PREX1: variants seen among roughly 807,000 people sequenced by gnomAD.
PREX1 encodes the protein phosphatidylinositol-3,4,5-trisphosphate dependent Rac exchange factor 1.
In PREX1, 41 loss-of-function variants were observed where a neutral mutation model predicts 198.3. The observed-to-expected ratio is 0.21, with a 90% CI of 0.16 to 0.27. The LOEUF (loss-of-function observed/expected upper bound fraction) is 0.27. PREX1 is among the 10% of genes least tolerant of loss of function. The pLI is 1.00. For synonymous variants in PREX1, 843 were observed against 887.2 expected (o/e 0.95, Z 0.89); for missense variants, 1,620 against 2,200.7 (o/e 0.74, Z 5.28).
intron 1 of PREX1, among the ~76,000 whole-genome samples, chr20:48,788,285 G>A (rs1281736383): frequency 6.6e-6 from 1 of 152,136 alleles, no homozygotes; most frequent in Non-Finnish European, 1.5e-5. Context: ...ATTCAAAGAT[G>A]AGTCATGAAA....
chr20:48,640,818 G>C (rs2089403846), intron 29 of PREX1, among the ~76,000 whole-genome samples: 1 of 147,668 alleles, frequency 6.8e-6, no homozygotes, highest in African/African-American at 2.5e-5. Flanking sequence ...AGGAGGGAAG[G>C]ATGGATGGAT....
chr20:48,765,693 G>A (rs1461058772), intron 1 of PREX1, among the ~76,000 whole-genome samples: 1 of 152,162 alleles, frequency 6.6e-6, no homozygotes, highest in African/African-American at 2.4e-5. Flanking sequence ...TTTCCCATGG[G>A]GCTATACTGC....
At chr20:48,653,607 C>T in intron 19 of PREX1, 110 bp from the exon 20 acceptor site, 2 of 1,376,236 alleles carry the variant, frequency 1.5e-6, no homozygotes, top group Admixed American at 1.9e-5. Flanking sequence ...GCAAGGACTC[C>T]ACCTCCACCC....
chr20:48,650,304 GC>G, intron 23 of PREX1, 98 bp from the exon 24 acceptor site: 1 of 1,213,680 alleles, frequency 8.2e-7, no homozygotes. Context: ...TAGGCCAGAT[GC>G]CCCACAGTTG....
intron 1 of PREX1, among the ~76,000 whole-genome samples, chr20:48,756,617 T>G (rs2090156848): frequency 6.6e-6 from 1 of 152,200 alleles, no homozygotes; most frequent in African/African-American, 2.4e-5. Flanking sequence ...GGCTAATTTC[T>G]TCCTGAAAGC....
At chr20:48,635,693 C>G (rs938946154) in intron 32 of PREX1, among the ~76,000 whole-genome samples, 5 of 152,218 alleles carry the variant, frequency 3.3e-5, no homozygotes, top group Non-Finnish European at 2.9e-5. Context: ...GTAGAGATTG[C>G]CTTCTCCCCA....
chr20:48,829,216 G>C (rs1009086674), upstream of PREX1, among the ~76,000 whole-genome samples: 9 of 152,106 alleles, frequency 5.9e-5, no homozygotes, highest in African/African-American at 1.9e-4. Context: ...ATGTGTGAAC[G>C]GCCCTCTAAG....
the PREX1 span, among the ~76,000 whole-genome samples, chr20:48,851,913 G>C: frequency 6.6e-6 from 1 of 152,194 alleles, no homozygotes; most frequent in East Asian, 1.9e-4. Flanking sequence ...GGGAAGGACA[G>C]CCAAGACCTC....
chr20:48,799,127 C>T (rs1278382506), intron 1 of PREX1, among the ~76,000 whole-genome samples: 1 of 152,200 alleles, frequency 6.6e-6, no homozygotes, highest in Non-Finnish European at 1.5e-5. Flanking sequence ...AGTGATCCGC[C>T]CACCTCAGCC....
At chr20:48,821,106 G>T (rs2090482482) in intron 1 of PREX1, among the ~76,000 whole-genome samples, 1 of 152,144 alleles carries the variant, frequency 6.6e-6, no homozygotes, top group Non-Finnish European at 1.5e-5. Context: ...GGAGGATGAG[G>T]CAAGAGAATC....
chr20:48,650,533 G>A (rs565706076), intron 23 of PREX1, among the ~76,000 whole-genome samples: 27 of 152,360 alleles, frequency 1.8e-4, no homozygotes, highest in African/African-American at 6.3e-4. Context: ...TCCCTATGGC[G>A]ATTGGAACCA....
chr20:48,684,504 C>T lies in PREX1; in HGVS notation c.1335-3169G>A, dbSNP rs910373332. On this transcript the variant is annotated intron_variant, in intron 10 of 39. Transcript: ENST00000371941. The surrounding 1 kb of genome is among the most constrained non-coding windows in gnomAD (Gnocchi z 4.2). ...CACCAAGGCCCCTTCCACCTTGGAG[C>T]TTTCCCTCTGGCAGACGTCCATAAC... 1.3e-5 allele frequency among the ~76,000 whole-genome samples: 2 copies of T among 152,256 alleles called. No homozygotes were observed. The highest frequency in any genetic ancestry group is 2.9e-5 in the Non-Finnish European group (2 of 68,042).
At chr20:48,770,709 C>CA (rs1028830871) in intron 1 of PREX1, among the ~76,000 whole-genome samples, 62 of 146,114 alleles carry the variant, frequency 4.2e-4, no homozygotes, top group East Asian at 9.9e-4. Context: ...ATCTCCATCT[C>CA]AAAAAAAAAA....
At chr20:48,752,665 T>C (rs150680803) in intron 1 of PREX1, among the ~76,000 whole-genome samples, 22 of 152,262 alleles carry the variant, frequency 1.4e-4, no homozygotes, top group Non-Finnish European at 2.6e-4. Flanking sequence ...GTGGCCCCCA[T>C]GGTAACCCGC....
Position 48,642,071 on chromosome 20 carries a change from AGT to A in PREX1, c.3775+95_3775+96del. Reference sequence around the variant, plus strand: ...CCTGATGATCCTACAGTCGTTCAGCAGTAGGAGGGCAGAGCTGAGCATTAGCC... The same window carrying A: ...CCTGATGATCCTACAGTCGTTCAGCAAGGAGGGCAGAGCTGAGCATTAGCC... On this transcript the variant is annotated intron_variant, in intron 29 of 39. Coordinates refer to ENST00000371941, the MANE Select transcript of PREX1 (RefSeq NM_020820.4). 4.0e-6 allele frequency: 5 copies of A among 1,249,604 alleles called. No individual in the cohort carries two copies. In the South Asian group the frequency reaches 6.5e-5, roughly 16 times the overall value. 77.4% of individuals were successfully genotyped at this position (1,249,604 alleles called of 1,614,324 possible).
chr20:48,792,149 C>T (rs1168463118), intron 1 of PREX1, among the ~76,000 whole-genome samples: 1 of 152,192 alleles, frequency 6.6e-6, no homozygotes, highest in Non-Finnish European at 1.5e-5. Context: ...CCCCAACATC[C>T]AAGGCCCAGG....
intron 5 of PREX1, among the ~76,000 whole-genome samples, chr20:48,709,033 C>G (rs538718745): frequency 1.3e-5 from 2 of 152,264 alleles, no homozygotes; most frequent in South Asian, 4.1e-4. Flanking sequence ...CCCACCGTTT[C>G]CCACTGCCAG....
chr20:48,854,898 T>C, the PREX1 span, among the ~76,000 whole-genome samples: 1 of 152,174 alleles, frequency 6.6e-6, no homozygotes, highest in Admixed American at 6.5e-5. Context: ...CAGTCAACCA[T>C]GTTTGCACCT....
chr20:48,815,177 T>C (rs963646133), intron 1 of PREX1, among the ~76,000 whole-genome samples: 1 of 152,176 alleles, frequency 6.6e-6, no homozygotes, highest in Non-Finnish European at 1.5e-5. Flanking sequence ...CATAAATCTA[T>C]AGTCACAGAT....
Sources: gnomAD v4.1 joint callset for allele counts (sites outside exome capture counted in the v4.1 genomes callset) on GRCh38, gnomAD v4.1.1 for gene constraint, Gnocchi (gnomAD v3.1) non-coding constraint, MANE v1.5 for transcripts, NCBI Gene and HGNC (gene_info 2026-07-23, HGNC 2026-07-21) for gene names.